The following SBNO2 variants were observed in gnomAD, a reference collection of about 807,000 sequenced individuals.
The protein encoded by SBNO2 is protein strawberry notch homolog 2.
Under a neutral mutation model 146.3 loss-of-function variants are expected in SBNO2, and 89 were observed. That is an observed-to-expected ratio of 0.61 (90% confidence interval 0.51 to 0.73). SBNO2 has a LOEUF of 0.73. Ranked by LOEUF, SBNO2 falls within the 30% of genes least tolerant of loss-of-function variation. SBNO2 has a pLI of 0.00. For missense variants in SBNO2, 2,092 were observed against 2,003.7 expected, an observed-to-expected ratio of 1.04 and a Z score of -0.84; for synonymous variants, 1,147 against 892.6, an observed-to-expected ratio of 1.29 and a Z score of -5.08.
At chr19:1,122,114 C>T (rs1179917897) in intron 11 of SBNO2, 25 bp downstream of exon 11, 3 of 1,394,686 alleles carry the variant, frequency 2.2e-6, no homozygotes, top group South Asian at 1.7e-5. Context: ...CAGCCCTCCC[C>T]TCCCGATTGC....
chr19:1,112,002 C>T lies in SBNO2; in HGVS notation c.2694G>A (p.Glu898=). Residue 898 remains glutamate (E), a synonymous_variant, in exon 23 of 32, where the codon GAG becomes GAA. Coordinates refer to ENST00000361757, the MANE Select transcript of SBNO2 (RefSeq NM_014963.3). This position sits in a 1 kb window ranked among gnomAD's most constrained non-coding sequence, Gnocchi z 5.9. ...ESRDLSKYNF[E]NKYGTRALHC... Reference sequence around the variant, plus strand: ...CCTGCCTTCCCTGCAGTACCTTGTTCTCAAAGTTGTACTTGCTGAGGTCAC... The same window carrying T: ...CCTGCCTTCCCTGCAGTACCTTGTTTTCAAAGTTGTACTTGCTGAGGTCAC... 1 of 1,589,778 alleles carries T rather than the reference C, an allele frequency of 6.3e-7. No individual in the cohort carries two copies. Among genetic ancestry groups the T allele is most frequent in the Non-Finnish European group, 8.6e-7 (1 of 1,167,260 alleles).
At position 1,109,130 on chromosome 19, in the gene SBNO2, C is replaced by T; in HGVS notation, c.3425+5G>A. 6.4e-7 allele frequency: 1 copy of T among 1,551,462 alleles called. No homozygotes were observed. The highest frequency in any genetic ancestry group is 8.7e-7 in the Non-Finnish European group (1 of 1,147,840). On this transcript the variant is annotated splice_donor_5th_base_variant and intron_variant, in intron 30 of 31. Coordinates refer to ENST00000361757, the MANE Select transcript of SBNO2 (RefSeq NM_014963.3). This position sits in a 1 kb window ranked among gnomAD's most constrained non-coding sequence, Gnocchi z 4.2. ...GTTTCCCCCTGGTCCCCGGCCCGCC[C>T]TCACCAGGCGCTGTGGCTGCAGTGC...
intron 5 of SBNO2, 76 bp from the exon 6 acceptor site, chr19:1,124,098 CA>C: frequency 7.3e-7 from 1 of 1,375,668 alleles, no homozygotes; most frequent in Non-Finnish European, 1.0e-6. Context: ...GCCTGGCCAC[CA>C]GAGGGAGGCT....
Position 1,119,114 on chromosome 19 carries a change from A to G in SBNO2, c.1424T>C (p.Met475Thr). 3.7e-6 allele frequency: 6 copies of G among 1,604,928 alleles called. No individual in the cohort carries two copies. Among genetic ancestry groups the G allele is most frequent in the Admixed American group, 3.4e-5 (2 of 59,280 alleles). ...GAAGCTGAGCTGGCGTGCGATGTAC[A>G]TGCCGCTGACCTTCATGTCCATGGC... is the stretch of plus-strand genomic sequence containing the variant. Reference protein sequence around the residue: ...IVAMDMKVSGMYIARQLSFSG... With the variant: ...IVAMDMKVSGTYIARQLSFSG... Residue 475 changes from methionine to threonine, a missense_variant, in exon 14 of 32, where the codon ATG (methionine) becomes ACG (threonine). Transcript: ENST00000361757.
At chr19:1,118,987 C>G (rs1327318304) in intron 14 of SBNO2, 24 bp downstream of exon 14, 2 of 1,564,790 alleles carry the variant, frequency 1.3e-6, no homozygotes, top group Non-Finnish European at 1.7e-6. Flanking sequence ...CACAGGGGTC[C>G]CCGGGTCGGG....
Position 1,108,196 on chromosome 19 carries a change from G to A in SBNO2, c.*24C>T, listed in dbSNP as rs926754677. The A allele has an allele frequency of 1.6e-5, 25 of 1,522,098 alleles. No homozygotes were observed. In the African/African-American group the frequency reaches 1.7e-4, roughly 10 times the overall value. The allele number at this position is 1,522,098 out of a possible 1,614,324, so 94.3% of individuals were successfully genotyped here. Reference sequence around the variant, plus strand: ...GGGGAGAAACGGTCCCTGTGTCTTGGGGCATGTTTCGCCTAAAGGCGTGTC... The same window carrying A: ...GGGGAGAAACGGTCCCTGTGTCTTGAGGCATGTTTCGCCTAAAGGCGTGTC... On this transcript the variant is annotated 3_prime_UTR_variant, in exon 32 of 32. Coordinates refer to ENST00000361757, the MANE Select transcript of SBNO2 (RefSeq NM_014963.3).
Position 1,140,416 on chromosome 19 carries a change from A to G in SBNO2, c.279+6893T>C, listed in dbSNP as rs1214126972. ...ACACGGGGCTGAGCCATCACCCACC[A>G]GGGACATTGAGCCTGATGGCTTCGC... On this transcript the variant is annotated intron_variant, in intron 4 of 31. Transcript: ENST00000361757. This position sits in a 1 kb window ranked among gnomAD's most constrained non-coding sequence, Gnocchi z 4.4. Among the ~76,000 whole-genome samples the G allele has an allele frequency of 2.0e-5, 3 of 152,104 alleles. No individual in the cohort carries two copies. The East Asian group carries it at 5.8e-4, about 29-fold the overall frequency.
In SBNO2 at chr19:1,112,079, G is replaced by A. The variant is rs751053574; in HGVS notation, c.2629-12C>T. The A allele has an allele frequency of 3.1e-6, 5 of 1,612,152 alleles. No homozygotes were observed. The highest frequency in any genetic ancestry group is 1.1e-5 in the South Asian group (1 of 91,010). ...TGGGTCAGGGCCCCCTGCCAGGGGTGGGGAGGCCATCAGTTGGTCACCTGG... is the reference window on the plus strand; with the variant it reads ...TGGGTCAGGGCCCCCTGCCAGGGGTAGGGAGGCCATCAGTTGGTCACCTGG... On this transcript the variant is annotated splice_polypyrimidine_tract_variant and intron_variant, in intron 22 of 31. Transcript: ENST00000361757. The surrounding 1 kb of genome is among the most constrained non-coding windows in gnomAD (Gnocchi z 5.9).
rs541977293 is a variant in SBNO2 at position 1,119,303 on chromosome 19, C to A, written c.1374-139G>T. 72 of 1,136,722 alleles carry A rather than the reference C, an allele frequency of 6.3e-5. No individual in the cohort carries two copies. In the South Asian group the frequency reaches 6.9e-4, roughly 11 times the overall value. 70.4% of individuals were successfully genotyped at this position (1,136,722 alleles called of 1,614,324 possible). A position where few individuals can be genotyped will look rare whatever the true frequency, so the allele number is the denominator to read the frequency against. Reference sequence around the variant, plus strand: ...TGGCGGCCACTGAGGCAGTTGGCAGCTGAGCCTGGCGGGGACGGGGCAGGA... The same window carrying A: ...TGGCGGCCACTGAGGCAGTTGGCAGATGAGCCTGGCGGGGACGGGGCAGGA... On this transcript the variant is annotated intron_variant, in intron 13 of 31. Transcript: ENST00000361757.
chr19:1,123,153 A>G (rs2079924194), intron 7 of SBNO2, 108 bp from the exon 8 acceptor site: 3 of 1,297,220 alleles, frequency 2.3e-6, no homozygotes, highest in Non-Finnish European at 3.2e-6. Flanking sequence ...CTGGCGGGGC[A>G]GTTTGGGGGC....
intron 8 of SBNO2, 50 bp downstream of exon 8, chr19:1,122,844 C>T: frequency 6.5e-7 from 1 of 1,537,362 alleles, no homozygotes; most frequent in African/African-American, 1.4e-5. Flanking sequence ...CGGCCCCTCC[C>T]CAGGGGCCTC....
chr19:1,118,402 G>T (rs1187111454), intron 14 of SBNO2, among the ~76,000 whole-genome samples: 3 of 152,066 alleles, frequency 2.0e-5, no homozygotes, highest in Non-Finnish European at 4.4e-5. Flanking sequence ...GGAGAAAACA[G>T]GACCTGTCCA....
intron 14 of SBNO2, among the ~76,000 whole-genome samples, chr19:1,118,552 C>A (rs1436073191): frequency 2.6e-5 from 4 of 151,918 alleles, no homozygotes; most frequent in African/African-American, 9.7e-5. Context: ...TTGGTCCCAT[C>A]CCTCGTTATC....
chr19:1,114,947 T>C (rs2079813805), intron 17 of SBNO2, among the ~76,000 whole-genome samples: 1 of 151,822 alleles, frequency 6.6e-6, no homozygotes, highest in Non-Finnish European at 1.5e-5. Context: ...TATTTATTTT[T>C]GAGATGGAGT....
chr19:1,172,297 A>G lies in SBNO2; in HGVS notation c.-127+1875T>C, dbSNP rs1331129262. Among the ~76,000 whole-genome samples the G allele has an allele frequency of 4.6e-5, 7 of 152,098 alleles. No homozygotes were observed. The East Asian group carries it at 1.4e-3, about 29-fold the overall frequency. ...CATCCTGCTGTTCTCCATCCCACCC[A>G]CCAAGGGGTCCAGATCTCAAATTCG... On this transcript the variant is annotated intron_variant, in intron 1 of 31. Transcript: ENST00000361757.
intron 4 of SBNO2, among the ~76,000 whole-genome samples, chr19:1,145,473 CAAAA>C (rs1223891823): frequency 2.8e-5 from 2 of 70,884 alleles, no homozygotes; most frequent in Non-Finnish European, 2.9e-5. Flanking sequence ...AACTCTGTCT[CAAAA>C]AAAAAAAAAA....
intron 5 of SBNO2, 63 bp downstream of exon 5, chr19:1,127,541 G>A (rs773161287): frequency 1.3e-5 from 19 of 1,508,878 alleles, no homozygotes; most frequent in Non-Finnish European, 1.6e-5. Context: ...GACCGTGTGG[G>A]TCCCGGGCTG....
chr19:1,145,492 A>G (rs1041318870), intron 4 of SBNO2, among the ~76,000 whole-genome samples: 2 of 151,340 alleles, frequency 1.3e-5, no homozygotes, highest in African/African-American at 4.9e-5. Flanking sequence ...AAAAAAAGAA[A>G]GAAAGAAAGG....
In SBNO2 at chr19:1,157,904, C is replaced by T. The variant is rs1490686842; in HGVS notation, c.-126-3502G>A. Among the ~76,000 whole-genome samples the T allele has an allele frequency of 2.8e-5, 4 of 144,348 alleles. No homozygotes were observed. Among genetic ancestry groups the T allele is most frequent in the Admixed American group, 1.4e-4 (2 of 14,252 alleles). The allele number at this position is 144,348 out of a possible 152,430, so 94.7% of individuals were successfully genotyped here. The stretch of plus-strand genomic sequence containing the variant: ...GCCTCCCAGCTCTCTCTCCTGAGTC[C>T]GGATAACTGTCCGCCTCCCAGCTCT... On this transcript the variant is annotated intron_variant, in intron 1 of 31. Coordinates refer to ENST00000361757, the MANE Select transcript of SBNO2 (RefSeq NM_014963.3). This position sits in a 1 kb window ranked among gnomAD's most constrained non-coding sequence, Gnocchi z 6.8.
Sources: allele counts gnomAD v4.1 joint callset (sites outside exome capture counted in the v4.1 genomes callset), GRCh38; gene constraint gnomAD v4.1.1; non-coding constraint Gnocchi (gnomAD v3.1); transcripts MANE v1.5; gene names NCBI Gene and HGNC (gene_info 2026-07-23, HGNC 2026-07-21).